The following BBS9 variants were observed in gnomAD, a reference collection of about 807,000 sequenced individuals.
BBS9 encodes the protein Bardet-Biedl syndrome 9, also known as protein PTHB1.
BBS9 carries 89 observed loss-of-function variants against 117.7 expected under a neutral mutation model. The ratio of observed to expected loss-of-function variants is 0.76; its 90% CI spans 0.64 to 0.90. The LOEUF is 0.90. Among genes scored for constraint, BBS9 ranks in the 40% least tolerant of loss-of-function variants. The probability of loss-of-function intolerance (pLI) is 0.00; values close to 1 mark genes in which losing one functional copy is unlikely to be tolerated. For synonymous variants in BBS9, 379 were observed against 370.9 expected, an observed-to-expected ratio of 1.02 and a Z score of -0.25; for missense variants, 982 against 1,042.2, an observed-to-expected ratio of 0.94 and a Z score of 0.80.
At chr7:33,194,180 A>G (rs1466509199) in intron 5 of BBS9, among the ~76,000 whole-genome samples, 1 of 152,196 alleles carries the variant, frequency 6.6e-6, no homozygotes, top group African/African-American at 2.4e-5. Context: ...TTATGGTATT[A>G]TGGGCATTTC....
At chr7:33,563,797 G>A (rs1403716821) in intron 21 of BBS9, among the ~76,000 whole-genome samples, 1 of 152,148 alleles carries the variant, frequency 6.6e-6, no homozygotes, top group Non-Finnish European at 1.5e-5. Context: ...CTGCAATATA[G>A]TATCTGTGCC....
chr7:33,229,001 C>A (rs1791821640), intron 5 of BBS9, among the ~76,000 whole-genome samples: 1 of 152,076 alleles, frequency 6.6e-6, no homozygotes, highest in Non-Finnish European at 1.5e-5. Context: ...GAAATGAAAA[C>A]AGAGAATTAA....
At chr7:33,179,913 G>A (rs1444919920) in intron 5 of BBS9, among the ~76,000 whole-genome samples, 6 of 152,174 alleles carry the variant, frequency 3.9e-5, no homozygotes, top group African/African-American at 1.4e-4. Context: ...ATATCAGTAT[G>A]TTCAGTTCTT....
At chr7:33,345,553 A>G (rs1197010382) in intron 12 of BBS9, among the ~76,000 whole-genome samples, 1 of 152,194 alleles carries the variant, frequency 6.6e-6, no homozygotes, top group Non-Finnish European at 1.5e-5. Flanking sequence ...AGGGAGCTGA[A>G]TCTTACAACA....
At chr7:33,546,521 TGAAATACTATGTTCTTTACATA>T (rs1853396911) in intron 21 of BBS9, among the ~76,000 whole-genome samples, 1 of 152,250 alleles carries the variant, frequency 6.6e-6, no homozygotes, top group African/African-American at 2.4e-5. Context: ...TTTCTAAGCC[TGAAATACTATGTTCTTTACATA>T]GAAATACTAT....
chr7:33,197,396 A>G (rs146416514), intron 5 of BBS9, among the ~76,000 whole-genome samples: 2 of 152,060 alleles, frequency 1.3e-5, no homozygotes, highest in Non-Finnish European at 1.5e-5. Context: ...TCAAAAATGC[A>G]TCTACACAAC....
chr7:33,481,299 A>T (rs1253206444), intron 19 of BBS9, among the ~76,000 whole-genome samples: 2 of 152,204 alleles, frequency 1.3e-5, no homozygotes, highest in Non-Finnish European at 2.9e-5. Context: ...AGAGTAGTAT[A>T]GGTTGACATT....
chr7:33,312,213 T>C (rs1260100369), intron 9 of BBS9, among the ~76,000 whole-genome samples: 3 of 147,168 alleles, frequency 2.0e-5, no homozygotes, highest in African/African-American at 7.3e-5. Context: ...TTTTATAATG[T>C]TCTTTTCTGT....
chr7:33,526,360 A>G (rs1265279053), intron 20 of BBS9, among the ~76,000 whole-genome samples: 1 of 152,100 alleles, frequency 6.6e-6, no homozygotes, highest in African/African-American at 2.4e-5. Flanking sequence ...ACTCGGTTCC[A>G]TTCTCCCCAT....
intron 19 of BBS9, among the ~76,000 whole-genome samples, chr7:33,391,797 A>G (rs377188366): frequency 2.0e-5 from 3 of 152,270 alleles, no homozygotes; most frequent in South Asian, 2.1e-4. Flanking sequence ...CTATTTATGT[A>G]TGTAATCTCT....
intron 21 of BBS9, among the ~76,000 whole-genome samples, chr7:33,547,369 G>T (rs1216822124): frequency 6.6e-6 from 1 of 152,146 alleles, no homozygotes; most frequent in East Asian, 1.9e-4. Context: ...TTGAAGTTCA[G>T]GTGGTATAGC....
intron 2 of BBS9, among the ~76,000 whole-genome samples, chr7:33,146,698 CAAAAA>C (rs36056577): frequency 3.7e-5 from 3 of 81,294 alleles, no homozygotes; most frequent in Non-Finnish European, 2.3e-5. Flanking sequence ...GGCTCCATCT[CAAAAA>C]AAAAAAAAAA....
chr7:33,419,582 C>T (rs1832548929), intron 19 of BBS9, among the ~76,000 whole-genome samples: 1 of 152,058 alleles, frequency 6.6e-6, no homozygotes, highest in African/African-American at 2.4e-5. Flanking sequence ...GCAAAAATGC[C>T]TCATATTTCT....
intron 16 of BBS9, among the ~76,000 whole-genome samples, chr7:33,361,738 C>T (rs978155392): frequency 3.3e-5 from 5 of 151,906 alleles, no homozygotes; most frequent in Non-Finnish European, 5.9e-5. Flanking sequence ...TTCTTAATTA[C>T]TTTCTTCGTA....
chr7:33,619,700 T>C (rs747766315), intron 21 of BBS9, among the ~76,000 whole-genome samples: 1 of 151,986 alleles, frequency 6.6e-6, no homozygotes, highest in Non-Finnish European at 1.5e-5. Flanking sequence ...AACAGGAAAA[T>C]TGGAAAATTC....
At chr7:33,301,242 ATCACC>A (rs1806365766) in intron 9 of BBS9, among the ~76,000 whole-genome samples, 1 of 152,078 alleles carries the variant, frequency 6.6e-6, no homozygotes, top group Non-Finnish European at 1.5e-5. Flanking sequence ...TGGGGTATCC[ATCACC>A]TCAAGCATTT....
chr7:33,174,959 C>T (rs1797117812), intron 4 of BBS9, among the ~76,000 whole-genome samples: 1 of 152,210 alleles, frequency 6.6e-6, no homozygotes, highest in African/African-American at 2.4e-5. Context: ...CCATCAAGGT[C>T]AGCAGGCAAA....
intron 19 of BBS9, among the ~76,000 whole-genome samples, chr7:33,499,031 T>C (rs2129007123): frequency 6.6e-6 from 1 of 152,290 alleles, no homozygotes; most frequent in South Asian, 2.1e-4. Flanking sequence ...CTTGTTATTG[T>C]CCATCTTTTT....
At chr7:33,250,765 A>C (rs1440931734) in intron 5 of BBS9, among the ~76,000 whole-genome samples, 2 of 152,204 alleles carry the variant, frequency 1.3e-5, no homozygotes, top group African/African-American at 4.8e-5. Context: ...CAGATGAATA[A>C]ATTATTTTGC....
Sources: allele counts gnomAD v4.1 joint callset (sites outside exome capture counted in the v4.1 genomes callset), GRCh38; gene constraint gnomAD v4.1.1; transcripts MANE v1.5; gene names NCBI Gene and HGNC (gene_info 2026-07-23, HGNC 2026-07-21).